ITFG1: variants seen among roughly 807,000 people sequenced by gnomAD.
ITFG1 encodes the protein integrin alpha FG-GAP repeat containing 1.
Under a neutral mutation model 81.8 loss-of-function variants are expected in ITFG1, and 34 were observed. The ratio of observed to expected loss-of-function variants is 0.42; its 90% confidence interval spans 0.32 to 0.55. The LOEUF is 0.55. ITFG1 is among the 20% of genes least tolerant of loss of function. ITFG1 has a pLI of 0.17. For synonymous variants in ITFG1, 285 were observed against 270.6 expected (o/e 1.05, Z -0.52); for missense variants, 672 against 755.4 (o/e 0.89, Z 1.29).
chr16:47,287,555 T>A (rs908340592), intron 10 of ITFG1, among the ~76,000 whole-genome samples: 2 of 152,058 alleles, frequency 1.3e-5, no homozygotes, highest in African/African-American at 2.4e-5. Flanking sequence ...CACCTGCCAC[T>A]ATGTCTGGCT....
intron 10 of ITFG1, among the ~76,000 whole-genome samples, chr16:47,301,101 C>T (rs1345793902): frequency 3.3e-5 from 5 of 152,032 alleles, no homozygotes; most frequent in African/African-American, 1.2e-4. Context: ...AAGTAAATAA[C>T]ATTCATGACT....
At chr16:47,261,831 C>A (rs969200740) in intron 10 of ITFG1, among the ~76,000 whole-genome samples, 5 of 152,176 alleles carry the variant, frequency 3.3e-5, no homozygotes, top group African/African-American at 1.2e-4. Context: ...TGCCATCATG[C>A]CCAGTTAATT....
chr16:47,413,916 G>T lies in ITFG1; in HGVS notation c.655+14888C>A, dbSNP rs188498423. Among the ~76,000 whole-genome samples the T allele has an allele frequency of 8.8e-3, 1,337 of 152,120 alleles. 9 individuals carry two copies. Among genetic ancestry groups the T allele is most frequent in the Admixed American group, 0.013 (199 of 15,290 alleles). On this transcript the variant is annotated intron_variant, in intron 6 of 17. Transcript: ENST00000320640. Reference sequence around the variant, plus strand: ...GCTCACTGCAACCTCTGCCTCCCGGGTTCAAGTGATTCTCCTGCCTCAGCC... The same window carrying T: ...GCTCACTGCAACCTCTGCCTCCCGGTTTCAAGTGATTCTCCTGCCTCAGCC...
chr16:47,409,947 G>T (rs1173662824), intron 6 of ITFG1, among the ~76,000 whole-genome samples: 3 of 151,978 alleles, frequency 2.0e-5, no homozygotes, highest in Admixed American at 6.5e-5. Context: ...AAGACACAAA[G>T]AACTTTTAGA....
At chr16:47,327,345 C>T (rs1290035158) in intron 8 of ITFG1, among the ~76,000 whole-genome samples, 1 of 152,078 alleles carries the variant, frequency 6.6e-6, no homozygotes, top group Admixed American at 6.6e-5. Context: ...TAAAGACTTA[C>T]ATGTTAGACC....
chr16:47,371,623 G>GT (rs1253908606), intron 7 of ITFG1, among the ~76,000 whole-genome samples: 10 of 152,146 alleles, frequency 6.6e-5, no homozygotes, highest in Admixed American at 6.5e-4. Context: ...GAAGCAGTAT[G>GT]TAATGATGAC....
At chr16:47,435,277 T>A (rs1419784090) in intron 5 of ITFG1, among the ~76,000 whole-genome samples, 1 of 152,170 alleles carries the variant, frequency 6.6e-6, no homozygotes, top group Non-Finnish European at 1.5e-5. Flanking sequence ...TGAACTCACA[T>A]AAAGTATAAT....
At chr16:47,418,560 A>G (rs1403550958) in intron 6 of ITFG1, among the ~76,000 whole-genome samples, 1 of 152,042 alleles carries the variant, frequency 6.6e-6, no homozygotes, top group East Asian at 1.9e-4. Context: ...AATTTTTTGT[A>G]TATCATGGTG....
intron 10 of ITFG1, among the ~76,000 whole-genome samples, chr16:47,264,475 A>G (rs1437779793): frequency 1.3e-5 from 2 of 151,688 alleles, no homozygotes; most frequent in East Asian, 3.9e-4. Context: ...TTATTCCATT[A>G]TATGGCCAAG....
At chr16:47,181,646 GC>G (rs1401961944) in intron 14 of ITFG1, among the ~76,000 whole-genome samples, 1 of 151,792 alleles carries the variant, frequency 6.6e-6, no homozygotes, top group Non-Finnish European at 1.5e-5. Context: ...GAAGTGAGGA[GC>G]CCCTCTGCCC....
intron 12 of ITFG1, among the ~76,000 whole-genome samples, chr16:47,246,991 C>T (rs977995664): frequency 6.6e-6 from 1 of 152,212 alleles, no homozygotes; most frequent in African/African-American, 2.4e-5. Context: ...ACCATGTTGA[C>T]CAGGCTGGTC....
At chr16:47,278,569 A>AGG (rs1296747440) in intron 10 of ITFG1, among the ~76,000 whole-genome samples, 1 of 152,186 alleles carries the variant, frequency 6.6e-6, no homozygotes, top group Non-Finnish European at 1.5e-5. Context: ...TGCTCTTTCT[A>AGG]TTCCTGCCTG....
At chr16:47,435,671 T>C (rs1270554428) in intron 5 of ITFG1, among the ~76,000 whole-genome samples, 1 of 152,220 alleles carries the variant, frequency 6.6e-6, no homozygotes, top group Non-Finnish European at 1.5e-5. Context: ...GTTATCCAGG[T>C]AAAAGCAGTT....
intron 8 of ITFG1, among the ~76,000 whole-genome samples, chr16:47,322,175 T>C (rs186158613): frequency 6.6e-6 from 1 of 152,210 alleles, no homozygotes. Context: ...AAGAAATATA[T>C]ACTATTAAAG....
At chr16:47,175,142 AT>A (rs1301585870) in intron 14 of ITFG1, among the ~76,000 whole-genome samples, 1 of 152,114 alleles carries the variant, frequency 6.6e-6, no homozygotes, top group East Asian at 1.9e-4. Flanking sequence ...AAAAATTAGA[AT>A]ATTTTCTGTA....
intron 10 of ITFG1, among the ~76,000 whole-genome samples, chr16:47,283,041 C>T (rs1966466973): frequency 6.6e-6 from 1 of 151,994 alleles, no homozygotes; most frequent in Admixed American, 6.6e-5. Context: ...TGTCTGCTTA[C>T]TCTGTTCATT....
chr16:47,457,891 C>G (rs1414658174), intron 2 of ITFG1, among the ~76,000 whole-genome samples: 1 of 152,178 alleles, frequency 6.6e-6, no homozygotes, highest in African/African-American at 2.4e-5. Flanking sequence ...CCCAAAAACA[C>G]TTCTCAAGGG....
chr16:47,206,011 G>A (rs1965494769), intron 14 of ITFG1, among the ~76,000 whole-genome samples: 1 of 151,950 alleles, frequency 6.6e-6, no homozygotes, highest in African/African-American at 2.4e-5. Context: ...GACTACAGGC[G>A]CCCGCCACCA....
At chr16:47,311,933 T>A (rs1341435452) in intron 9 of ITFG1, 1 of 152,280 alleles carries the variant, frequency 6.6e-6, no homozygotes, top group Non-Finnish European at 1.5e-5. Flanking sequence ...GAGCAGCTCC[T>A]GAGTCTTTCC....
Sources: allele counts gnomAD v4.1 joint callset (sites outside exome capture counted in the v4.1 genomes callset), GRCh38; gene constraint gnomAD v4.1.1; transcripts MANE v1.5; gene names NCBI Gene and HGNC (gene_info 2026-07-23, HGNC 2026-07-21).